TSC1: variants seen among roughly 807,000 people sequenced by gnomAD.
TSC1 encodes the protein TSC complex subunit 1, also known as hamartin.
TSC1 carries 20 observed loss-of-function variants against 124.3 expected under a neutral mutation model. The observed-to-expected ratio is 0.16, with a 90% CI of 0.11 to 0.23. TSC1 has a LOEUF of 0.23. Among genes scored for constraint, TSC1 ranks in the 10% least tolerant of loss-of-function variants. The pLI, the probability that TSC1 is intolerant of heterozygous loss-of-function variation, is 1.00. For synonymous variants in TSC1, 493 were observed against 539.1 expected (o/e 0.91, Z 1.19); for missense variants, 1,124 against 1,448.5 (o/e 0.78, Z 3.64).
At position 132,902,865 on chromosome 9, in the gene TSC1, C is replaced by G. The variant is rs118107142; in HGVS notation, c.2209-78G>C. 3.8e-4 allele frequency: 596 copies of G among 1,548,342 alleles called. 1 individual carries two copies. Among genetic ancestry groups the G allele is most frequent in the Middle Eastern group, 6.9e-4 (3 of 4,348 alleles). ...TTAACACACACTGCGAACATTTCATCTGAATAGTCATAAGCTACCCTGAAA... is the reference window on the plus strand; with the variant it reads ...TTAACACACACTGCGAACATTTCATGTGAATAGTCATAAGCTACCCTGAAA... On this transcript the variant is annotated intron_variant, in intron 17 of 22. Coordinates refer to ENST00000298552, the MANE Select transcript of TSC1 (RefSeq NM_000368.5). The surrounding 1 kb of genome is among the most constrained non-coding windows in gnomAD (Gnocchi z 5.2).
intron 1 of TSC1, among the ~76,000 whole-genome samples, chr9:132,937,826 C>T (rs1477304451): frequency 1.3e-5 from 2 of 152,106 alleles, no homozygotes; most frequent in Non-Finnish European, 2.9e-5. Context: ...GCAATCATCC[C>T]ACCTCAACCT....
Position 132,907,505 on chromosome 9 carries a change from T to C in TSC1, c.1264-135A>G. The C allele has an allele frequency of 1.0e-5, 8 of 777,410 alleles. No homozygotes were observed. The South Asian group carries it at 1.2e-4, about 12-fold the overall frequency. 48.2% of individuals were successfully genotyped at this position (777,410 alleles called of 1,614,324 possible). ...TTGGGATGTTTTCTTTTCTTTTTTT[T>C]TGAGGTGGAGTTTCGCTCTTGTTGC... is the stretch of plus-strand genomic sequence containing the variant. On this transcript the variant is annotated intron_variant, in intron 12 of 22. Transcript: ENST00000298552.
Position 132,903,772 on chromosome 9 carries a change from A to G in TSC1, c.2087T>C (p.Leu696Pro), listed in dbSNP as rs2131770978. 6.2e-7 allele frequency: 1 copy of G among 1,613,944 alleles called. No homozygotes were observed. The highest frequency in any genetic ancestry group is 8.5e-7 in the Non-Finnish European group (1 of 1,180,028). Residue 696 changes from leucine (L) to proline (P), a missense_variant, in exon 17 of 23, where the codon CTT becomes CCT. Leu to Pro is a moderately conservative substitution (Grantham distance 98, BLOSUM62 -3). Transcript: ENST00000298552. The surrounding 1 kb of genome is among the most constrained non-coding windows in gnomAD (Gnocchi z 5.9). ...DEIRTLRDQL[L>P]LLHNQLLYER... is the part of the protein sequence containing the mutation. ...ATAGAGTAACTGGTTGTGCAGTAAAAGCAACTGGTCTCGGAGGGTGCGGAT... is the reference window on the plus strand; with the variant it reads ...ATAGAGTAACTGGTTGTGCAGTAAAGGCAACTGGTCTCGGAGGGTGCGGAT...
rs2131742633 is a variant in TSC1, at chr9:132,902,806, G to A, written c.2209-19C>T. The A allele has an allele frequency of 6.2e-7, 1 of 1,612,704 alleles. No individual in the cohort carries two copies. Among genetic ancestry groups the A allele is most frequent in the Non-Finnish European group, 8.5e-7 (1 of 1,179,964 alleles). On this transcript the variant is annotated intron_variant, in intron 17 of 22. Transcript: ENST00000298552. This position sits in a 1 kb window ranked among gnomAD's most constrained non-coding sequence, Gnocchi z 5.2. ...GATCTTTCTAGCAGAGACCAGAAAT[G>A]TCATCATTTTAGCTGTCTTCCAACA...
At position 132,891,637 on chromosome 9, in the gene TSC1, C is replaced by T. The variant is rs560429673; in HGVS notation, c.*4598G>A. The T allele has an allele frequency of 1.5e-4, 34 of 233,630 alleles. No homozygotes were observed. Among genetic ancestry groups the T allele is most frequent in the Middle Eastern group, 1.3e-3 (1 of 786 alleles). 14.5% of individuals were successfully genotyped at this position (233,630 alleles called of 1,614,324 possible). On this transcript the variant is annotated 3_prime_UTR_variant, in exon 23 of 23. Transcript: ENST00000298552. ...TCAGTTTCTTTCACTGATGGGACCC[C>T]TTTAAACTGCAAGTTTGCCACACAT...
intron 1 of TSC1, among the ~76,000 whole-genome samples, chr9:132,939,567 G>A (rs960292234): frequency 1.3e-5 from 2 of 152,120 alleles, no homozygotes; most frequent in African/African-American, 4.8e-5. Flanking sequence ...ATTTTGGTAA[G>A]GCGTATCTCT....
chr9:132,907,580 C>G (rs992483940), intron 12 of TSC1, among the ~76,000 whole-genome samples: 1 of 152,142 alleles, frequency 6.6e-6, no homozygotes, highest in African/African-American at 2.4e-5. Flanking sequence ...ACCTCCGCCT[C>G]CTGGGTTCAA....
Position 132,906,851 on chromosome 9 carries a change from G to A in TSC1, c.1334-16C>T, listed in dbSNP as rs373774544. The A allele has an allele frequency of 3.1e-6, 5 of 1,603,976 alleles. No homozygotes were observed. The African/African-American group carries it at 6.7e-5, about 21-fold the overall frequency. ...GGTGGCTCTTCTGAAGAGAAACAAA[G>A]ACAACTGAAGTCAAAGAAATACAGT... On this transcript the variant is annotated splice_polypyrimidine_tract_variant and intron_variant, in intron 13 of 22. Coordinates refer to ENST00000298552, the MANE Select transcript of TSC1 (RefSeq NM_000368.5). The surrounding 1 kb of genome is among the most constrained non-coding windows in gnomAD (Gnocchi z 4.1).
chr9:132,920,379 G>C (rs1588343717), intron 8 of TSC1, among the ~76,000 whole-genome samples: 1 of 152,176 alleles, frequency 6.6e-6, no homozygotes, highest in Non-Finnish European at 1.5e-5. Context: ...TTGTCTCTGA[G>C]GTAGTAGGGA....
intron 20 of TSC1, among the ~76,000 whole-genome samples, chr9:132,897,988 T>C (rs997591716): frequency 6.6e-6 from 1 of 152,224 alleles, no homozygotes; most frequent in Non-Finnish European, 1.5e-5. Context: ...AGTAAAAAGA[T>C]TAAAAAGCAG....
At chr9:132,912,242 C>T in intron 9 of TSC1, 40 bp downstream of exon 9, 1 of 1,610,016 alleles carries the variant, frequency 6.2e-7, no homozygotes, top group Non-Finnish European at 8.5e-7. Context: ...TTTCCAGAGA[C>T]AAAGTTGCAA....
chr9:132,911,205 A>T, intron 10 of TSC1, 92 bp from the exon 11 acceptor site: 1 of 1,118,118 alleles, frequency 8.9e-7, no homozygotes, highest in Non-Finnish European at 1.4e-6. Flanking sequence ...GCTTAAATTT[A>T]GCTTTTTCAT....
At chr9:132,911,355 C>G (rs1564488552) in intron 10 of TSC1, 98 bp downstream of exon 10, 1 of 944,614 alleles carries the variant, frequency 1.1e-6, no homozygotes, top group Admixed American at 1.7e-5. Flanking sequence ...CTGAAATGAG[C>G]AGTGTGAAAT....
intron 2 of TSC1, chr9:132,931,151 A>C (rs554769596): frequency 2.3e-4 from 35 of 152,340 alleles, no homozygotes; most frequent in African/African-American, 8.2e-4. Context: ...TGTTGTTCAT[A>C]AATTTAAAAG....
chr9:132,918,082 T>C (rs1846357874), intron 8 of TSC1, among the ~76,000 whole-genome samples: 2 of 152,178 alleles, frequency 1.3e-5, no homozygotes, highest in Admixed American at 1.3e-4. Context: ...ATATAGTTGG[T>C]TGAACATATG....
chr9:132,936,092 A>G (rs1847444049), intron 1 of TSC1, among the ~76,000 whole-genome samples: 1 of 152,166 alleles, frequency 6.6e-6, no homozygotes, highest in African/African-American at 2.4e-5. Flanking sequence ...TTGAATGACT[A>G]GAAGTTAAAA....
In TSC1 at chr9:132,907,354, GAAT is replaced by G. The variant is rs1203057835; in HGVS notation, c.1277_1279del (p.Asp426_Ser427delinsAla). 1.9e-6 allele frequency: 3 copies of G among 1,613,794 alleles called. No homozygotes were observed. In the African/African-American group the frequency reaches 4.0e-5, roughly 22 times the overall value. On this transcript the variant is annotated inframe_deletion, in exon 13 of 23. Transcript: ENST00000298552. ...TTGTCTGTGTAGACATGGTCTTGCA[GAAT>G]CCATTCTCTCTTCCTGAAAAGATAA...
At chr9:132,907,662 G>C (rs866970121) in intron 12 of TSC1, among the ~76,000 whole-genome samples, 1 of 152,132 alleles carries the variant, frequency 6.6e-6, no homozygotes, top group Non-Finnish European at 1.5e-5. Flanking sequence ...GCTAATTTTT[G>C]TATTTTTAGT....
intron 5 of TSC1, chr9:132,925,047 C>A (rs564724644): frequency 1.3e-5 from 2 of 159,532 alleles, no homozygotes; most frequent in South Asian, 1.8e-4. Flanking sequence ...TATGGCTGCA[C>A]GCCACTGTTA....
Sources: allele counts gnomAD v4.1 joint callset (sites outside exome capture counted in the v4.1 genomes callset), GRCh38; gene constraint gnomAD v4.1.1; non-coding constraint Gnocchi (gnomAD v3.1); transcripts MANE v1.5; gene names NCBI Gene and HGNC (gene_info 2026-07-23, HGNC 2026-07-21).